The following RGS7 variants were observed in gnomAD, a reference collection of about 807,000 sequenced individuals.
The protein encoded by RGS7 is regulator of G protein signaling 7.
RGS7 carries 27 observed loss-of-function variants against 81.1 expected under a neutral mutation model. That is an observed-to-expected ratio of 0.33 (90% CI 0.25 to 0.46). RGS7 has a LOEUF of 0.46. RGS7 is among the 20% of genes least tolerant of loss of function. RGS7 has a pLI of 1.00. For missense variants in RGS7, 396 were observed against 607.4 expected, an observed-to-expected ratio of 0.65 and a Z score of 3.66; for synonymous variants, 208 against 207.7, an observed-to-expected ratio of 1.00 and a Z score of -0.01.
At chr1:241,299,935 C>CAAAAAAAAAAAAAAAA (rs35939099) in intron 2 of RGS7, among the ~76,000 whole-genome samples, 1 of 58,090 alleles carries the variant, frequency 1.7e-5, no homozygotes, top group Non-Finnish European at 3.0e-5. Flanking sequence ...CTCGTTTCTC[C>CAAAAAAAAAAAAAAAA]AAAAAAAAAA....
chr1:240,804,621 A>C (rs773324895), intron 15 of RGS7, among the ~76,000 whole-genome samples: 2 of 152,216 alleles, frequency 1.3e-5, no homozygotes, highest in Non-Finnish European at 2.9e-5. Flanking sequence ...TTCTATTTTA[A>C]ACCTCAGGAA....
In RGS7 at chr1:240,843,194, A is replaced by AATAAAT. The variant is rs1307358004; in HGVS notation, c.610-16023_610-16022insATTTAT. ...AAAATAAAATAAAAATAAAAATAAA[A>AATAAAT]AAAGAAAGAGAAAGAAAGAAAAAGA... is the stretch of plus-strand genomic sequence containing the variant. On this transcript the variant is annotated intron_variant, in intron 9 of 18. Transcript: ENST00000440928. 2.0e-5 allele frequency among the ~76,000 whole-genome samples: 3 copies of AATAAAT among 152,142 alleles called. No individual in the cohort carries two copies. In the East Asian group the frequency reaches 5.8e-4, roughly 29 times the overall value.
intron 6 of RGS7, among the ~76,000 whole-genome samples, chr1:240,929,226 C>T (rs1046807704): frequency 1.3e-5 from 2 of 152,136 alleles, no homozygotes; most frequent in African/African-American, 4.8e-5. Flanking sequence ...CTTAGCTGTT[C>T]CAGTGTTCCT....
intron 3 of RGS7, among the ~76,000 whole-genome samples, chr1:241,062,107 T>C (rs2061771243): frequency 6.6e-6 from 1 of 152,222 alleles, no homozygotes; most frequent in Non-Finnish European, 1.5e-5. Flanking sequence ...AAAGTGATCT[T>C]CTATAGGAAA....
intron 2 of RGS7, among the ~76,000 whole-genome samples, chr1:241,268,664 T>C (rs533493801): frequency 6.6e-4 from 100 of 152,222 alleles, no homozygotes; most frequent in Middle Eastern, 3.4e-3. Context: ...TTCTTGCAAT[T>C]TTGCCTCGTG....
intron 6 of RGS7, among the ~76,000 whole-genome samples, chr1:240,912,398 T>A (rs549691676): frequency 6.6e-6 from 1 of 152,266 alleles, no homozygotes; most frequent in African/African-American, 2.4e-5. Flanking sequence ...TTAATGTACA[T>A]CTGAAAGAGC....
chr1:241,249,669 A>T (rs906746423), intron 2 of RGS7, among the ~76,000 whole-genome samples: 11 of 152,162 alleles, frequency 7.2e-5, no homozygotes, highest in African/African-American at 2.7e-4. Flanking sequence ...GCACTGACAT[A>T]CTAATCATAT....
At chr1:241,111,301 T>C (rs952578973) in intron 2 of RGS7, among the ~76,000 whole-genome samples, 1 of 152,184 alleles carries the variant, frequency 6.6e-6, no homozygotes, top group Non-Finnish European at 1.5e-5. Flanking sequence ...AGCCCCACCA[T>C]TTTACAGTAT....
chr1:240,938,821 CGTGTGTGTGTGTGT>C (rs112229453), intron 4 of RGS7, among the ~76,000 whole-genome samples: 1 of 146,404 alleles, frequency 6.8e-6, no homozygotes, highest in Non-Finnish European at 1.5e-5. Flanking sequence ...CAATTTTGTG[CGTGTGTGTGTGTGT>C]GTGTGTGTGT....
intron 10 of RGS7, among the ~76,000 whole-genome samples, chr1:240,826,538 C>T (rs75437672): frequency 0.016 from 2,409 of 152,238 alleles, 48 homozygotes; most frequent in African/African-American, 0.054. Context: ...TTGTGTACAT[C>T]AAGCGTGTTT....
rs542974874 is a variant in RGS7, at chr1:241,020,729, C to G, written c.176-37600G>C. Among the ~76,000 whole-genome samples the G allele has an allele frequency of 5.3e-5, 8 of 152,226 alleles. No individual in the cohort carries two copies. In the East Asian group the frequency reaches 1.4e-3, roughly 26 times the overall value. ...TGGCCAAACAATTAATCTTAAAGTT[C>G]CATATAAACTTCTATATTGCCCTAG... On this transcript the variant is annotated intron_variant, in intron 3 of 18. Transcript: ENST00000440928.
At chr1:241,244,281 C>T (rs559619860) in intron 2 of RGS7, among the ~76,000 whole-genome samples, 22 of 152,144 alleles carry the variant, frequency 1.4e-4, no homozygotes, top group Middle Eastern at 6.8e-3. Flanking sequence ...AACAACCCCA[C>T]CAAAAAGTGG....
chr1:241,130,690 C>A (rs1348213665), intron 2 of RGS7, among the ~76,000 whole-genome samples: 1 of 150,734 alleles, frequency 6.6e-6, no homozygotes, highest in African/African-American at 2.5e-5. Flanking sequence ...CAGTGGAAAA[C>A]ATACTGAACT....
At chr1:241,133,149 TTACAA>T (rs1287641128) in intron 2 of RGS7, among the ~76,000 whole-genome samples, 6 of 151,848 alleles carry the variant, frequency 4.0e-5, no homozygotes, top group East Asian at 1.9e-4. Flanking sequence ...ATTGTAAAAA[TTACAA>T]TACAAGTGAA....
At chr1:241,186,177 G>C (rs1219828260) in intron 2 of RGS7, among the ~76,000 whole-genome samples, 2 of 151,966 alleles carry the variant, frequency 1.3e-5, no homozygotes, top group African/African-American at 4.8e-5. Flanking sequence ...GAATAATAAA[G>C]GAATGTCACA....
At chr1:240,805,193 A>G (rs1558278277) in intron 15 of RGS7, among the ~76,000 whole-genome samples, 1 of 150,094 alleles carries the variant, frequency 6.7e-6, no homozygotes, top group East Asian at 2.0e-4. Flanking sequence ...TGGGCAACAT[A>G]GGGAGACCCA....
intron 2 of RGS7, among the ~76,000 whole-genome samples, chr1:241,272,770 AT>A (rs1369511709): frequency 6.6e-6 from 1 of 152,006 alleles, no homozygotes; most frequent in Non-Finnish European, 1.5e-5. Context: ...TATTTTGCAA[AT>A]TGGATAATTT....
At position 240,806,173 on chromosome 1, in the gene RGS7, C is replaced by T. The variant is rs1688814294; in HGVS notation, c.1236G>A (p.Lys412=). 3 of 1,613,904 alleles carry T rather than the reference C, an allele frequency of 1.9e-6. No individual in the cohort carries two copies. Among genetic ancestry groups the T allele is most frequent in the Non-Finnish European group, 2.5e-6 (3 of 1,179,944 alleles). The change falls in exon 15 of 19, where the codon AAG becomes AAA. Residue 412 remains lysine (K), a synonymous_variant. Coordinates refer to ENST00000440928, the MANE Select transcript of RGS7 (RefSeq NM_001364886.1). The part of the protein sequence containing the change: ...KSYDKTTQNV[K]EPGRYTFEDA... ...CTTCAAATGTGTATCGTCCAGGTTCCTTCACGTTCTGTGTGGTTTTGTCAT... is the reference window on the plus strand; with the variant it reads ...CTTCAAATGTGTATCGTCCAGGTTCTTTCACGTTCTGTGTGGTTTTGTCAT...
chr1:240,894,470 C>T (rs968807027), intron 6 of RGS7, among the ~76,000 whole-genome samples: 4 of 151,974 alleles, frequency 2.6e-5, no homozygotes, highest in African/African-American at 9.7e-5. Context: ...TTTAACCTCT[C>T]TTCCATATTT....
Sources: allele counts gnomAD v4.1 joint callset (sites outside exome capture counted in the v4.1 genomes callset), GRCh38; gene constraint gnomAD v4.1.1; transcripts MANE v1.5; gene names NCBI Gene and HGNC (gene_info 2026-07-23, HGNC 2026-07-21).